The following RPH3A variants were observed in gnomAD, a reference collection of about 807,000 sequenced individuals.
RPH3A encodes rabphilin-3A.
In RPH3A, 48 loss-of-function variants were observed where a neutral mutation model predicts 102.2. That is an observed-to-expected ratio of 0.47 (90% CI 0.37 to 0.60). RPH3A has a LOEUF of 0.60. Ranked by LOEUF, RPH3A falls within the 20% of genes least tolerant of loss-of-function variation. The pLI is 0.00. For synonymous variants in RPH3A, 310 were observed against 324.3 expected (o/e 0.96, Z 0.47); for missense variants, 781 against 910.1 (o/e 0.86, Z 1.83).
chr12:112,741,951 C>T (rs1259881273), intron 1 of RPH3A, among the ~76,000 whole-genome samples: 1 of 152,130 alleles, frequency 6.6e-6, no homozygotes, highest in Non-Finnish European at 1.5e-5. Flanking sequence ...ACGTACTAAA[C>T]CTCTACCACC....
intron 1 of RPH3A, among the ~76,000 whole-genome samples, chr12:112,687,730 T>A (rs911092495): frequency 2.0e-5 from 3 of 152,190 alleles, no homozygotes; most frequent in African/African-American, 7.2e-5. Context: ...GGGGTGTTCT[T>A]TGCTTGAAGC....
rs141559047 is a variant in RPH3A, at chr12:112,712,930, C to A, written c.-139-79213C>A. 1.5e-3 allele frequency among the ~76,000 whole-genome samples: 163 copies of A among 107,770 alleles called. 1 individual carries two copies. In the East Asian group the frequency reaches 0.068, roughly 45 times the overall value. 70.7% of individuals were successfully genotyped at this position (107,770 alleles called of 152,430 possible). On this transcript the variant is annotated intron_variant, in intron 1 of 21. Coordinates refer to the RPH3A transcript ENST00000543106. ...TCTTCTTCTTCTTCTTCTTCCTCTT[C>A]TTCTTCTTCTTCTTCTTCTTCTTCT...
intron 1 of RPH3A, among the ~76,000 whole-genome samples, chr12:112,778,373 A>T (rs2040982998): frequency 6.6e-6 from 1 of 152,176 alleles, no homozygotes; most frequent in Admixed American, 6.5e-5. Flanking sequence ...AAAGTAGTTC[A>T]CACATAGAAT....
intron 1 of RPH3A, among the ~76,000 whole-genome samples, chr12:112,747,710 C>T (rs899594222): frequency 2.9e-4 from 44 of 152,332 alleles, no homozygotes; most frequent in Admixed American, 2.9e-3. Flanking sequence ...GTTCTTATCT[C>T]TATTGTAATC....
At chr12:112,609,556 C>T (rs553673147) in intron 1 of RPH3A, among the ~76,000 whole-genome samples, 1 of 152,322 alleles carries the variant, frequency 6.6e-6, no homozygotes, top group African/African-American at 2.4e-5. Flanking sequence ...TTCCAGTCTG[C>T]ACTAGGTGCT....
intron 1 of RPH3A, among the ~76,000 whole-genome samples, chr12:112,685,356 A>T (rs1170760848): frequency 6.6e-6 from 1 of 152,132 alleles, no homozygotes; most frequent in Non-Finnish European, 1.5e-5. Context: ...GAATTTGGGG[A>T]GACACCTATA....
chr12:112,879,090 A>G, intron 13 of RPH3A, 29 bp from the exon 14 acceptor site: 1 of 1,574,746 alleles, frequency 6.4e-7, no homozygotes, highest in Non-Finnish European at 8.7e-7. Context: ...AATATTCGTT[A>G]TCTTGGTTCC....
At chr12:112,737,600 GC>G (rs962341444) in intron 1 of RPH3A, among the ~76,000 whole-genome samples, 1 of 152,104 alleles carries the variant, frequency 6.6e-6, no homozygotes, top group African/African-American at 2.4e-5. Flanking sequence ...AGTTGATCCT[GC>G]AGTTTTTTTC....
intron 4 of RPH3A, among the ~76,000 whole-genome samples, chr12:112,844,359 T>C (rs2042196466): frequency 6.6e-6 from 1 of 152,202 alleles, no homozygotes; most frequent in African/African-American, 2.4e-5. Flanking sequence ...AGGCAGCCTC[T>C]GGTAGCTGGG....
At chr12:112,747,882 C>T (rs1042082129) in intron 1 of RPH3A, among the ~76,000 whole-genome samples, 1 of 152,230 alleles carries the variant, frequency 6.6e-6, no homozygotes, top group African/African-American at 2.4e-5. Context: ...CGTGGACTGA[C>T]AGCAGCTCTT....
At chr12:112,608,193 G>A (rs7310944) in intron 1 of RPH3A, among the ~76,000 whole-genome samples, 29,589 of 150,248 alleles carry the variant, frequency 0.2, 4,944 homozygotes, top group East Asian at 0.64. Context: ...TTGGCTTACT[G>A]CAATCTCTGC....
intron 1 of RPH3A, among the ~76,000 whole-genome samples, chr12:112,676,079 G>T (rs529798215): frequency 8.5e-5 from 13 of 152,272 alleles, no homozygotes; most frequent in African/African-American, 3.1e-4. Flanking sequence ...GAGGAAATCT[G>T]TCTGCGGCCC....
rs78247290 is a variant in RPH3A, at chr12:112,840,540, G to A, written c.83+4038G>A. ...GCAGACCTTCTGAACCCAAATTTCC[G>A]CAAAAGGCCCAGAAATCCGCATTCT... On this transcript the variant is annotated intron_variant, in intron 4 of 21. Transcript: ENST00000389385. Among the ~76,000 whole-genome samples the A allele has an allele frequency of 3.1e-3, 475 of 151,876 alleles. 3 individuals are homozygous for A. Among genetic ancestry groups the A allele is most frequent in the Non-Finnish European group, 5.2e-3 (352 of 67,952 alleles).
chr12:112,702,545 G>A (rs2040401472), intron 1 of RPH3A, among the ~76,000 whole-genome samples: 1 of 152,222 alleles, frequency 6.6e-6, no homozygotes, highest in East Asian at 1.9e-4. Flanking sequence ...GCCCACATGG[G>A]TGCTAGGGAA....
intron 1 of RPH3A, among the ~76,000 whole-genome samples, chr12:112,619,895 G>A (rs2039710107): frequency 6.6e-6 from 1 of 152,088 alleles, no homozygotes; most frequent in South Asian, 2.1e-4. Flanking sequence ...TTCTGAATTA[G>A]TCAGACTTAT....
intron 1 of RPH3A, among the ~76,000 whole-genome samples, chr12:112,609,498 CCTGCCTAT>C (rs2135973250): frequency 6.6e-6 from 1 of 152,322 alleles, no homozygotes; most frequent in South Asian, 2.1e-4. Context: ...CCTTCCACCT[CCTGCCTAT>C]TGTTTGGTTT....
intron 1 of RPH3A, among the ~76,000 whole-genome samples, chr12:112,736,194 C>T (rs1303938003): frequency 2.0e-5 from 3 of 152,224 alleles, no homozygotes; most frequent in Non-Finnish European, 2.9e-5. Context: ...TGTACTACCC[C>T]TGACCTCTAT....
At chr12:112,688,874 A>T (rs1375554681) in intron 1 of RPH3A, among the ~76,000 whole-genome samples, 1 of 152,214 alleles carries the variant, frequency 6.6e-6, no homozygotes, top group South Asian at 2.1e-4. Context: ...ATGTTTGTTA[A>T]ATAAAAATTT....
At chr12:112,839,899 G>A (rs1446725358) in intron 4 of RPH3A, among the ~76,000 whole-genome samples, 2 of 152,214 alleles carry the variant, frequency 1.3e-5, no homozygotes, top group Non-Finnish European at 2.9e-5. Context: ...TGACACAGGA[G>A]AATTGCTTGA....
Sources: allele counts gnomAD v4.1 joint callset (sites outside exome capture counted in the v4.1 genomes callset), GRCh38; gene constraint gnomAD v4.1.1; transcripts MANE v1.5; gene names NCBI Gene and HGNC (gene_info 2026-07-23, HGNC 2026-07-21).